CFAP95: variants seen among roughly 807,000 people sequenced by gnomAD.
CFAP95 encodes cilia- and flagella-associated protein 95.
chr9:69,880,394 G>A, the CFAP95 span, among the ~76,000 whole-genome samples: 20 of 152,004 alleles, frequency 1.3e-4, no homozygotes, highest in African/African-American at 4.4e-4. Context: ...CTCAAACACG[G>A]TGAGAACATG....
At chr9:69,874,540 G>T in the CFAP95 span, among the ~76,000 whole-genome samples, 3 of 152,178 alleles carry the variant, frequency 2.0e-5, no homozygotes, top group African/African-American at 4.8e-5. Flanking sequence ...GTGCCTCATG[G>T]AACTTTGGGA....
chr9:69,888,807 G>A, the CFAP95 span, among the ~76,000 whole-genome samples: 2 of 152,082 alleles, frequency 1.3e-5, no homozygotes, highest in Non-Finnish European at 2.9e-5. Flanking sequence ...GAACCCGGGA[G>A]GCAGAGGTTG....
the CFAP95 span, chr9:69,906,009 T>C: frequency 6.2e-7 from 1 of 1,612,890 alleles, no homozygotes; most frequent in Non-Finnish European, 8.5e-7. Flanking sequence ...CGTTCTCAGT[T>C]CACGGATCTA....
At chr9:69,837,383 C>G in the CFAP95 span, among the ~76,000 whole-genome samples, 1 of 151,850 alleles carries the variant, frequency 6.6e-6, no homozygotes, top group African/African-American at 2.4e-5. Flanking sequence ...CACATCCTCT[C>G]CAGCACCTGT....
the CFAP95 span, among the ~76,000 whole-genome samples, chr9:69,870,614 C>A: frequency 6.6e-6 from 1 of 152,242 alleles, no homozygotes; most frequent in South Asian, 2.1e-4. Flanking sequence ...AAGCCCTCCC[C>A]AGGATCTTCA....
the CFAP95 span, among the ~76,000 whole-genome samples, chr9:69,824,430 A>G: frequency 6.6e-6 from 1 of 152,226 alleles, no homozygotes. Context: ...AGCGGAAAAA[A>G]GGCAAAAAAA....
At chr9:69,903,564 T>C in the CFAP95 span, among the ~76,000 whole-genome samples, 83 of 152,332 alleles carry the variant, frequency 5.4e-4, no homozygotes, top group Middle Eastern at 6.8e-3. Context: ...AAGTTAGCCT[T>C]AGTGGGAGTA....
the CFAP95 span, among the ~76,000 whole-genome samples, chr9:69,898,438 T>C: frequency 6.6e-6 from 1 of 152,122 alleles, no homozygotes; most frequent in African/African-American, 2.4e-5. Flanking sequence ...GGGCAGGGGG[T>C]AATTTTAATT....
chr9:69,898,608 G>A, the CFAP95 span, among the ~76,000 whole-genome samples: 10 of 152,224 alleles, frequency 6.6e-5, no homozygotes, highest in Admixed American at 1.3e-4. Context: ...TAAAAATAAG[G>A]ATGAGTGTCT....
chr9:69,871,483 A>C, the CFAP95 span, among the ~76,000 whole-genome samples: 1 of 152,074 alleles, frequency 6.6e-6, no homozygotes, highest in African/African-American at 2.4e-5. Flanking sequence ...TGAGATTGCA[A>C]TCTTGAACGT....
At chr9:69,874,155 C>T in the CFAP95 span, among the ~76,000 whole-genome samples, 1 of 149,026 alleles carries the variant, frequency 6.7e-6, no homozygotes, top group Non-Finnish European at 1.5e-5. Flanking sequence ...TTCCAGAAAG[C>T]CTGTTTTTAT....
chr9:69,822,187 A>G, the CFAP95 span, among the ~76,000 whole-genome samples: 1 of 152,198 alleles, frequency 6.6e-6, no homozygotes, highest in Non-Finnish European at 1.5e-5. Flanking sequence ...GCGTGAAGAA[A>G]AAAAAGAAAT....
the CFAP95 span, among the ~76,000 whole-genome samples, chr9:69,840,242 G>A: frequency 1.4e-4 from 21 of 152,020 alleles, no homozygotes; most frequent in Non-Finnish European, 2.6e-4. Context: ...CAAGTCGTTC[G>A]ATGACTAAAC....
At chr9:69,867,265 A>G in the CFAP95 span, among the ~76,000 whole-genome samples, 4 of 152,204 alleles carry the variant, frequency 2.6e-5, no homozygotes, top group Non-Finnish European at 5.9e-5. Flanking sequence ...TATATGTGAA[A>G]GCACATGATA....
At chr9:69,830,819 A>T in the CFAP95 span, among the ~76,000 whole-genome samples, 2 of 152,026 alleles carry the variant, frequency 1.3e-5, no homozygotes, top group South Asian at 4.1e-4. Context: ...GACTAATTTT[A>T]AAAAACTTTT....
At chr9:69,854,392 G>A in the CFAP95 span, among the ~76,000 whole-genome samples, 8 of 152,292 alleles carry the variant, frequency 5.3e-5, no homozygotes, top group African/African-American at 1.9e-4. Context: ...TCTGGAGTTT[G>A]TTTACAAATC....
chr9:69,895,231 G>A, the CFAP95 span, among the ~76,000 whole-genome samples: 13 of 151,838 alleles, frequency 8.6e-5, no homozygotes, highest in Non-Finnish European at 1.8e-4. Context: ...AAAAACTAAG[G>A]TTTTCTGGAA....
the CFAP95 span, among the ~76,000 whole-genome samples, chr9:69,860,591 C>G: frequency 7.6e-6 from 1 of 131,652 alleles, no homozygotes; most frequent in African/African-American, 2.9e-5. Context: ...ACCTTTTTTA[C>G]TTTATACCTT....
chr9:69,867,106 G>A, the CFAP95 span, among the ~76,000 whole-genome samples: 1 of 152,222 alleles, frequency 6.6e-6, no homozygotes, highest in African/African-American at 2.4e-5. Context: ...GATATCTGGT[G>A]TTAGTATTTG....
Sources: gnomAD v4.1 joint callset for allele counts (sites outside exome capture counted in the v4.1 genomes callset) on GRCh38, gnomAD v4.1.1 for gene constraint, MANE v1.5 for transcripts, NCBI Gene and HGNC (gene_info 2026-07-23, HGNC 2026-07-21) for gene names.